Variants in MARK4 observed in about 807,000 individuals in gnomAD.
MARK4 encodes MAP/microtubule affinity-regulating kinase 4.
In MARK4, 19 loss-of-function variants were observed where a neutral mutation model predicts 81.5. That is an observed-to-expected ratio of 0.23 (90% confidence interval 0.16 to 0.34). The LOEUF (loss-of-function observed/expected upper bound fraction) is 0.34. Ranked by LOEUF, MARK4 falls within the 10% of genes least tolerant of loss-of-function variation. The pLI, the probability that MARK4 is intolerant of heterozygous loss-of-function variation, is 1.00. For synonymous variants in MARK4, 436 were observed against 439.0 expected (o/e 0.99, Z 0.08); for missense variants, 772 against 1,058.8 (o/e 0.73, Z 3.76).
In MARK4 at chr19:45,251,493, C is replaced by A; in HGVS notation, c.-96C>A. 1.4e-6 allele frequency: 1 copy of A among 728,546 alleles called. No homozygotes were observed. Among genetic ancestry groups the A allele is most frequent in the Non-Finnish European group, 2.1e-6 (1 of 480,832 alleles). 45.1% of individuals were successfully genotyped at this position (728,546 alleles called of 1,614,324 possible). ...TCTCGGCGCCCAGCTTTTGAGCTCGCGTCCCCAGGCCGGCGGGGGGGGAGG... is the reference window on the plus strand; with the variant it reads ...TCTCGGCGCCCAGCTTTTGAGCTCGAGTCCCCAGGCCGGCGGGGGGGGAGG... On this transcript the variant is annotated 5_prime_UTR_variant, in exon 1 of 17. Transcript: ENST00000262891.
chr19:45,266,427 C>T, intron 7 of MARK4, 146 bp downstream of exon 7: 1 of 739,146 alleles, frequency 1.4e-6, no homozygotes. Flanking sequence ...ACCCAGCACC[C>T]CCTTGACCCT....
intron 14 of MARK4, among the ~76,000 whole-genome samples, chr19:45,294,956 G>A (rs1970867608): frequency 6.6e-6 from 1 of 152,100 alleles, no homozygotes; most frequent in East Asian, 1.9e-4. Context: ...AGGGCTGTAG[G>A]GCAGGTTGAT....
chr19:45,288,012 G>A, intron 13 of MARK4: 1 of 321,158 alleles, frequency 3.1e-6, no homozygotes, highest in Non-Finnish European at 6.0e-6. Flanking sequence ...GCCGAGGCGG[G>A]AGGATCACTT....
chr19:45,280,361 C>G lies in MARK4; in HGVS notation c.1007-13C>G. The G allele has an allele frequency of 6.3e-7, 1 of 1,597,760 alleles. No individual in the cohort carries two copies. The highest frequency in any genetic ancestry group is 8.6e-7 in the Non-Finnish European group (1 of 1,166,196). On this transcript the variant is annotated splice_polypyrimidine_tract_variant and intron_variant, in intron 10 of 16. Transcript: ENST00000262891. Reference sequence around the variant, plus strand: ...CTGGGAGTCTGAAACTTCTCTCCATCCCCCCCTCCCAGAGGTGATGGTGGG... The same window carrying G: ...CTGGGAGTCTGAAACTTCTCTCCATGCCCCCCTCCCAGAGGTGATGGTGGG...
chr19:45,277,904 A>G lies in MARK4; in HGVS notation c.787-19A>G, dbSNP rs1402874329. 4 of 1,606,988 alleles carry G rather than the reference A, an allele frequency of 2.5e-6. No individual in the cohort carries two copies. The highest frequency in any genetic ancestry group is 3.4e-6 in the Non-Finnish European group (4 of 1,177,142). The stretch of plus-strand genomic sequence containing the variant: ...GGGGGCGGGGCAGACCCCCTCCTCC[A>G]GTAACCCCATCCCTGCAGGAGCTGC... On this transcript the variant is annotated intron_variant, in intron 8 of 16. Transcript: ENST00000262891.
At chr19:45,261,344 A>G (rs1257885672) in intron 2 of MARK4, among the ~76,000 whole-genome samples, 1 of 152,200 alleles carries the variant, frequency 6.6e-6, no homozygotes. Context: ...TCAATTAAAG[A>G]AAGCTGTGTG....
intron 13 of MARK4, among the ~76,000 whole-genome samples, chr19:45,292,783 A>G (rs1472225417): frequency 6.6e-6 from 1 of 152,042 alleles, no homozygotes; most frequent in African/African-American, 2.4e-5. Context: ...AGGTGAAAGG[A>G]TCCACTTGAG....
At chr19:45,253,481 G>A (rs1017409595) in intron 1 of MARK4, among the ~76,000 whole-genome samples, 4 of 152,146 alleles carry the variant, frequency 2.6e-5, no homozygotes, top group Admixed American at 1.3e-4. Context: ...AGGGGTGACC[G>A]CTTGAGTGCC....
Position 45,258,969 on chromosome 19 carries a change from G to T in MARK4, c.52-20G>T. 1 of 1,609,150 alleles carries T rather than the reference G, an allele frequency of 6.2e-7. No individual in the cohort carries two copies. Among genetic ancestry groups the T allele is most frequent in the South Asian group, 1.1e-5 (1 of 90,692 alleles). On this transcript the variant is annotated intron_variant, in intron 1 of 16. Transcript: ENST00000262891. ...CGGAAGGTGGGATTGGATAGCTCAT[G>T]CTCCATCTCCCCCGCCCAGCATGGC...
At chr19:45,280,274 C>A in intron 10 of MARK4, 100 bp from the exon 11 acceptor site, 1 of 1,065,872 alleles carries the variant, frequency 9.4e-7, no homozygotes, top group Non-Finnish European at 1.4e-6. Context: ...TGCACTCCAG[C>A]CTGGGTGACA....
Position 45,303,105 on chromosome 19 carries a change from G to T in MARK4, c.*395G>T. 1 of 222,894 alleles carries T rather than the reference G, an allele frequency of 4.5e-6. No individual in the cohort carries two copies. The allele number at this position is 222,894 out of a possible 1,614,324, so 13.8% of individuals were successfully genotyped here. A position where few individuals can be genotyped will look rare whatever the true frequency, so the allele number is the denominator to read the frequency against. On this transcript the variant is annotated 3_prime_UTR_variant, in exon 17 of 17. Transcript: ENST00000262891. ...CTGAGCCTAAAGACTGGAGAATCTGGGGGACTGGGAGTGGGGGTCAGAGAG... is the reference window on the plus strand; with the variant it reads ...CTGAGCCTAAAGACTGGAGAATCTGTGGGACTGGGAGTGGGGGTCAGAGAG...
intron 2 of MARK4, 51 bp downstream of exon 2, chr19:45,259,240 T>A (rs907257357): frequency 1.3e-6 from 2 of 1,591,896 alleles, no homozygotes; most frequent in Admixed American, 3.4e-5. Context: ...TGGGACCAGG[T>A]CTTCGGTGTA....
chr19:45,270,638 T>C (rs1340649901), intron 7 of MARK4, among the ~76,000 whole-genome samples: 1 of 152,152 alleles, frequency 6.6e-6, no homozygotes, highest in Non-Finnish European at 1.5e-5. Flanking sequence ...CTCACTCTGT[T>C]GCTCAGGCTG....
chr19:45,298,330 C>T (rs1402441761), intron 15 of MARK4: 10 of 442,602 alleles, frequency 2.3e-5, no homozygotes, highest in South Asian at 4.2e-5. Context: ...AGGGTCTGTG[C>T]GTGGGGTCTG....
chr19:45,280,163 A>G (rs893441450), intron 10 of MARK4: 2 of 505,016 alleles, frequency 4.0e-6, no homozygotes, highest in Non-Finnish European at 7.2e-6. Context: ...AGCCTGGACA[A>G]CATAGCAAAA....
At chr19:45,296,879 A>G (rs1970894194) in intron 14 of MARK4, among the ~76,000 whole-genome samples, 1 of 152,100 alleles carries the variant, frequency 6.6e-6, no homozygotes, top group South Asian at 2.1e-4. Flanking sequence ...GTGAAACCCC[A>G]TCTCTCCTGA....
intron 1 of MARK4, among the ~76,000 whole-genome samples, chr19:45,257,545 G>A (rs946154371): frequency 3.3e-5 from 5 of 151,286 alleles, no homozygotes; most frequent in African/African-American, 4.9e-5. Flanking sequence ...CACCATGTCC[G>A]GCTAATTTTT....
chr19:45,265,203 G>A (rs564951011), intron 6 of MARK4, among the ~76,000 whole-genome samples: 2 of 152,202 alleles, frequency 1.3e-5, no homozygotes, highest in East Asian at 3.9e-4. Context: ...GCGCGTAGGT[G>A]TGTGGGTGAT....
At chr19:45,262,331 C>T (rs1434370703) in intron 2 of MARK4, among the ~76,000 whole-genome samples, 17 of 120,094 alleles carry the variant, frequency 1.4e-4, no homozygotes, top group African/African-American at 5.5e-4. Context: ...CAGCGAGACT[C>T]TGCCTCCAAA....
Sources: allele counts gnomAD v4.1 joint callset (sites outside exome capture counted in the v4.1 genomes callset), GRCh38; gene constraint gnomAD v4.1.1; transcripts MANE v1.5; gene names NCBI Gene and HGNC (gene_info 2026-07-23, HGNC 2026-07-21).